Variants in MRPL14 observed in about 807,000 individuals in gnomAD.
MRPL14 encodes the protein large ribosomal subunit protein uL14m.
In MRPL14, 8 loss-of-function variants were observed where a neutral mutation model predicts 10.9. The observed-to-expected ratio is 0.74, with a 90% CI of 0.43 to 1.33. MRPL14 has a LOEUF of 1.33. Ranked by LOEUF, MRPL14 falls within the 40% of genes most tolerant of loss-of-function variation. The probability of loss-of-function intolerance (pLI) is 0.01; values close to 1 mark genes in which losing one functional copy is unlikely to be tolerated. For synonymous variants in MRPL14, 82 were observed against 74.1 expected (o/e 1.11, Z -0.54); for missense variants, 179 against 194.5 (o/e 0.92, Z 0.47).
intron 2 of MRPL14, among the ~76,000 whole-genome samples, chr6:44,114,905 G>A (rs1021274210): frequency 3.3e-5 from 5 of 152,100 alleles, no homozygotes; most frequent in African/African-American, 1.2e-4. Flanking sequence ...CACCGCGCCC[G>A]GTCCCCTAAT....
chr6:44,120,170 G>A (rs1776259790), intron 1 of MRPL14, among the ~76,000 whole-genome samples: 1 of 152,128 alleles, frequency 6.6e-6, no homozygotes, highest in Admixed American at 6.5e-5. Context: ...CCTCCACAAA[G>A]TCTTGTGTCA....
At chr6:44,119,471 T>C (rs945135117) in intron 1 of MRPL14, among the ~76,000 whole-genome samples, 2 of 151,396 alleles carry the variant, frequency 1.3e-5, no homozygotes, top group African/African-American at 4.9e-5. Flanking sequence ...AAGGTTGCAG[T>C]GAGCCAAGGT....
intron 1 of MRPL14, among the ~76,000 whole-genome samples, chr6:44,118,839 CTG>C (rs1452050132): frequency 6.6e-6 from 1 of 152,188 alleles, no homozygotes; most frequent in African/African-American, 2.4e-5. Context: ...TGGCACATGT[CTG>C]TAATCCCAGC....
At chr6:44,120,446 C>T (rs1776286019) in intron 1 of MRPL14, among the ~76,000 whole-genome samples, 1 of 152,190 alleles carries the variant, frequency 6.6e-6, no homozygotes, top group African/African-American at 2.4e-5. Flanking sequence ...ACCTGTACTG[C>T]CCTCAAACCC....
In MRPL14 at chr6:44,113,477, T is replaced by C. The variant is rs1775543664; in HGVS notation, c.*366A>G. ...TTTGGTTAGAGCCATGGTACATTTA[T>C]AAATTGGCATTTGGTGTGTACCTCA... On this transcript the variant is annotated 3_prime_UTR_variant, in exon 3 of 3. Coordinates refer to ENST00000372014, the MANE Select transcript of MRPL14 (RefSeq NM_032111.4). 5.6e-6 allele frequency: 1 copy of C among 178,570 alleles called. No homozygotes were observed. Among genetic ancestry groups the C allele is most frequent in the Non-Finnish European group, 1.2e-5 (1 of 86,256 alleles). 11.1% of individuals were successfully genotyped at this position (178,570 alleles called of 1,614,324 possible).
chr6:44,122,374 C>A (rs1202961094), intron 1 of MRPL14, among the ~76,000 whole-genome samples: 1 of 152,146 alleles, frequency 6.6e-6, no homozygotes, highest in Non-Finnish European at 1.5e-5. Context: ...TGAGCCACCG[C>A]GCCCTGCCAG....
intron 1 of MRPL14, among the ~76,000 whole-genome samples, chr6:44,122,184 A>T (rs935945175): frequency 6.6e-6 from 1 of 151,178 alleles, no homozygotes; most frequent in Non-Finnish European, 1.5e-5. Context: ...CCGGGTTCAC[A>T]CCATTCTCCT....
chr6:44,117,865 T>C (rs1300697810), intron 1 of MRPL14, among the ~76,000 whole-genome samples: 2 of 129,838 alleles, frequency 1.5e-5, no homozygotes, highest in South Asian at 2.6e-4. Context: ...TTTTTTTTTT[T>C]TGTAGAGATG....
Position 44,114,173 on chromosome 6 carries a change from C to T in MRPL14, c.108G>A (p.Thr36=), listed in dbSNP as rs144549942. Residue 36 remains threonine (T), a synonymous_variant, in exon 3 of 3, where the codon ACG becomes ACA. Transcript: ENST00000372014. ...TGSLSAIQKM[T]RVRVVDNSAL... Reference sequence around the variant, plus strand: ...CACTGTTGTCCACCACTCGTACCCGCGTCATCTTCTGAATCGCACTCAGAC... The same window carrying T: ...CACTGTTGTCCACCACTCGTACCCGTGTCATCTTCTGAATCGCACTCAGAC... 3.3e-4 allele frequency: 526 copies of T among 1,612,870 alleles called. 4 individuals carry two copies. In the African/African-American group the frequency reaches 4.9e-3, roughly 15 times the overall value.
Position 44,113,791 on chromosome 6 carries a change from T to C in MRPL14, c.*52A>G. The C allele has an allele frequency of 6.6e-7, 1 of 1,507,818 alleles. No individual in the cohort carries two copies. The allele number at this position is 1,507,818 out of a possible 1,614,324, so 93.4% of individuals were successfully genotyped here. ...CCAAGCTCCCTTAGCAAAAGGGTGG[T>C]TCTCAGAACTGCTCCATTCACGAGT... On this transcript the variant is annotated 3_prime_UTR_variant, in exon 3 of 3. Coordinates refer to ENST00000372014, the MANE Select transcript of MRPL14 (RefSeq NM_032111.4).
intron 2 of MRPL14, among the ~76,000 whole-genome samples, chr6:44,115,367 C>T (rs967249334): frequency 2.6e-5 from 4 of 152,118 alleles, no homozygotes; most frequent in African/African-American, 9.7e-5. Context: ...CATCTCACTG[C>T]CTCCCCTTGC....
chr6:44,118,618 A>C (rs76376313), intron 1 of MRPL14, among the ~76,000 whole-genome samples: 1,537 of 152,294 alleles, frequency 0.01, 23 homozygotes, highest in African/African-American at 0.035. Flanking sequence ...AACACTTATC[A>C]AATGGTTACA....
chr6:44,114,821 G>A (rs1369438884), intron 2 of MRPL14, among the ~76,000 whole-genome samples: 4 of 152,140 alleles, frequency 2.6e-5, no homozygotes, highest in African/African-American at 7.2e-5. Context: ...GTGTTAGCCA[G>A]GATGGTCTCG....
chr6:44,117,052 T>G (rs529586608), intron 1 of MRPL14, among the ~76,000 whole-genome samples: 6 of 152,120 alleles, frequency 3.9e-5, no homozygotes, highest in African/African-American at 1.4e-4. Flanking sequence ...GCACTTTAAC[T>G]CCCTAAAAGA....
At chr6:44,118,364 T>C (rs1397547621) in intron 1 of MRPL14, among the ~76,000 whole-genome samples, 1 of 152,216 alleles carries the variant, frequency 6.6e-6, no homozygotes, top group East Asian at 1.9e-4. Flanking sequence ...TTAGCTATCA[T>C]CATCATGATG....
chr6:44,121,682 A>C (rs1037893257), intron 1 of MRPL14, among the ~76,000 whole-genome samples: 2 of 152,236 alleles, frequency 1.3e-5, no homozygotes, highest in African/African-American at 4.8e-5. Context: ...GCTTACGCCT[A>C]TAATCCCAAC....
At chr6:44,124,644 C>T (rs1776760980) in intron 1 of MRPL14, among the ~76,000 whole-genome samples, 1 of 152,178 alleles carries the variant, frequency 6.6e-6, no homozygotes, top group African/African-American at 2.4e-5. Context: ...GAGGGCTCTC[C>T]TACTCTGAGT....
intron 1 of MRPL14, among the ~76,000 whole-genome samples, chr6:44,124,331 G>C (rs1363304560): frequency 2.0e-5 from 3 of 152,176 alleles, no homozygotes; most frequent in East Asian, 3.8e-4. Flanking sequence ...TCTCTGTCAA[G>C]CAGAGATCAT....
intron 1 of MRPL14, among the ~76,000 whole-genome samples, chr6:44,124,071 C>A (rs1437482998): frequency 6.6e-6 from 1 of 152,140 alleles, no homozygotes; most frequent in African/African-American, 2.4e-5. Context: ...GGAAAAACTG[C>A]ACAAGTCAAA....
Sources: gnomAD v4.1 joint callset for allele counts (sites outside exome capture counted in the v4.1 genomes callset) on GRCh38, gnomAD v4.1.1 for gene constraint, MANE v1.5 for transcripts, NCBI Gene and HGNC (gene_info 2026-07-23, HGNC 2026-07-21) for gene names.